Variants in CNTN5 observed in about 807,000 individuals in gnomAD.
CNTN5 encodes contactin 5.
Under a neutral mutation model 129.1 loss-of-function variants are expected in CNTN5, and 77 were observed. The observed-to-expected ratio is 0.60, with a 90% CI of 0.50 to 0.72. The LOEUF (loss-of-function observed/expected upper bound fraction) is 0.72. Among genes scored for constraint, CNTN5 ranks in the 30% least tolerant of loss-of-function variants. CNTN5 has a pLI of 0.00. For synonymous variants in CNTN5, 509 were observed against 465.6 expected (o/e 1.09, Z -1.20); for missense variants, 1,478 against 1,328.8 (o/e 1.11, Z -1.75).
chr11:99,976,405 C>G (rs950253024), intron 8 of CNTN5, among the ~76,000 whole-genome samples: 3 of 152,190 alleles, frequency 2.0e-5, no homozygotes, highest in African/African-American at 7.2e-5. Flanking sequence ...AGTGGGGCCT[C>G]CAACCCTACA....
intron 1 of CNTN5, among the ~76,000 whole-genome samples, chr11:99,136,574 C>T (rs1318068289): frequency 6.6e-6 from 1 of 152,160 alleles, no homozygotes; most frequent in Non-Finnish European, 1.5e-5. Flanking sequence ...CAAAGCCTCA[C>T]CTCACATGAA....
At chr11:99,049,151 T>C (rs1228468500) in intron 1 of CNTN5, among the ~76,000 whole-genome samples, 1 of 152,094 alleles carries the variant, frequency 6.6e-6, no homozygotes, top group African/African-American at 2.4e-5. Context: ...GTGCTTCCAT[T>C]TGTACAATTT....
intron 1 of CNTN5, among the ~76,000 whole-genome samples, chr11:99,037,877 A>G (rs916144291): frequency 4.6e-5 from 7 of 151,988 alleles, no homozygotes; most frequent in Admixed American, 4.6e-4. Context: ...ATCTCTTTAC[A>G]AAAATTACTT....
intron 3 of CNTN5, among the ~76,000 whole-genome samples, chr11:99,785,688 G>A (rs1381830192): frequency 6.6e-6 from 1 of 152,046 alleles, no homozygotes; most frequent in Admixed American, 6.6e-5. Context: ...TTACAAGACT[G>A]GTTCAACATA....
At chr11:99,485,279 G>A (rs1359090471) in intron 2 of CNTN5, among the ~76,000 whole-genome samples, 1 of 151,910 alleles carries the variant, frequency 6.6e-6, no homozygotes, top group East Asian at 1.9e-4. Flanking sequence ...TGGATTAGTG[G>A]GGAGAGAGAG....
intron 3 of CNTN5, among the ~76,000 whole-genome samples, chr11:99,614,270 T>C (rs1950688022): frequency 6.6e-6 from 1 of 152,244 alleles, no homozygotes; most frequent in African/African-American, 2.4e-5. Flanking sequence ...ATTTTTGTCA[T>C]GTACATACAA....
At chr11:100,034,925 G>A (rs1258055662) in intron 9 of CNTN5, among the ~76,000 whole-genome samples, 1 of 151,978 alleles carries the variant, frequency 6.6e-6, no homozygotes, top group Admixed American at 6.5e-5. Flanking sequence ...ACTAAATAGT[G>A]CTAGTGAAGC....
chr11:99,522,622 T>C (rs1375054906), intron 2 of CNTN5, among the ~76,000 whole-genome samples: 1 of 152,198 alleles, frequency 6.6e-6, no homozygotes, highest in African/African-American at 2.4e-5. Context: ...TTTGTAATTT[T>C]AACCAATGAC....
At chr11:99,121,991 AT>A (rs1310111289) in intron 1 of CNTN5, among the ~76,000 whole-genome samples, 10 of 151,712 alleles carry the variant, frequency 6.6e-5, no homozygotes, top group Admixed American at 6.6e-4. Flanking sequence ...ATATATATAT[AT>A]TTTTATTATA....
intron 3 of CNTN5, among the ~76,000 whole-genome samples, chr11:99,677,773 A>G (rs1953356880): frequency 1.3e-5 from 2 of 152,112 alleles, no homozygotes; most frequent in South Asian, 2.1e-4. Context: ...ACGTGTATGT[A>G]CCTATGTGTA....
rs1012565674 is a variant in CNTN5, at chr11:100,131,737, A to T, written c.1580+57443A>T. Among the ~76,000 whole-genome samples, 3 of 152,130 alleles carry T rather than the reference A, an allele frequency of 2.0e-5. No individual in the cohort carries two copies. In the South Asian group the frequency reaches 6.2e-4, roughly 31 times the overall value. Reference sequence around the variant, plus strand: ...AAAGAACTTTTCAAGAAACTGGCTCATCATAATAATGTGCTTACCAGTGAG... The same window carrying T: ...AAAGAACTTTTCAAGAAACTGGCTCTTCATAATAATGTGCTTACCAGTGAG... On this transcript the variant is annotated intron_variant, in intron 13 of 24. Transcript: ENST00000524871.
At chr11:99,463,437 C>CAAAAA (rs1378225524) in intron 2 of CNTN5, among the ~76,000 whole-genome samples, 685 of 6,340 alleles carry the variant, frequency 0.11, 16 homozygotes, top group African/African-American at 0.21. Context: ...GACTCTGTCT[C>CAAAAA]AAAAAGAAAA....
intron 6 of CNTN5, among the ~76,000 whole-genome samples, chr11:99,869,642 A>G (rs1948450435): frequency 6.6e-6 from 1 of 152,126 alleles, no homozygotes; most frequent in Admixed American, 6.6e-5. Flanking sequence ...TTACACACCA[A>G]AAAACACAGT....
chr11:100,269,725 G>C (rs914470126), intron 17 of CNTN5, among the ~76,000 whole-genome samples: 1 of 152,148 alleles, frequency 6.6e-6, no homozygotes, highest in Non-Finnish European at 1.5e-5. Flanking sequence ...GTGCTGGGCA[G>C]AAGAGGAAAT....
chr11:99,423,743 A>G (rs1389783449), intron 2 of CNTN5, among the ~76,000 whole-genome samples: 5 of 151,936 alleles, frequency 3.3e-5, no homozygotes, highest in Non-Finnish European at 7.4e-5. Context: ...AATTCACAAC[A>G]GGTTCCCTGG....
chr11:99,242,003 C>T (rs1861584733), intron 1 of CNTN5, among the ~76,000 whole-genome samples: 1 of 152,034 alleles, frequency 6.6e-6, no homozygotes, highest in Admixed American at 6.6e-5. Context: ...TGTTAGATGA[C>T]AAAGTGGTAA....
chr11:100,316,335 G>C (rs1377063116), intron 21 of CNTN5, among the ~76,000 whole-genome samples: 2 of 152,112 alleles, frequency 1.3e-5, no homozygotes, highest in Non-Finnish European at 2.9e-5. Flanking sequence ...TGGGCAATGG[G>C]AATGTACATA....
intron 13 of CNTN5, among the ~76,000 whole-genome samples, chr11:100,166,337 G>A (rs1179416796): frequency 2.6e-5 from 4 of 151,514 alleles, no homozygotes; most frequent in Admixed American, 6.6e-5. Context: ...TACTGCCCCC[G>A]GCATATGAAA....
chr11:99,214,226 G>A (rs1165128421), intron 1 of CNTN5, among the ~76,000 whole-genome samples: 1 of 151,934 alleles, frequency 6.6e-6, no homozygotes. Context: ...TTTGGACAAA[G>A]GAACCAGCTT....
Sources: allele counts gnomAD v4.1 joint callset (sites outside exome capture counted in the v4.1 genomes callset), GRCh38; gene constraint gnomAD v4.1.1; transcripts MANE v1.5; gene names NCBI Gene and HGNC (gene_info 2026-07-23, HGNC 2026-07-21).